MCC: variants seen among roughly 807,000 people sequenced by gnomAD.
MCC encodes the protein colorectal mutant cancer protein.
MCC carries 90 observed loss-of-function variants against 116.2 expected under a neutral mutation model. The observed-to-expected ratio is 0.77, with a 90% CI of 0.65 to 0.92. The LOEUF (loss-of-function observed/expected upper bound fraction) is 0.92, where lower values mean the gene tolerates loss of function less well. Among genes scored for constraint, MCC ranks in the 40% least tolerant of loss-of-function variants. The probability of loss-of-function intolerance (pLI) is 0.00; values close to 1 mark genes in which losing one functional copy is unlikely to be tolerated. For synonymous variants in MCC, 578 were observed against 510.5 expected, an observed-to-expected ratio of 1.13 and a Z score of -1.78; for missense variants, 1,516 against 1,312.2, an observed-to-expected ratio of 1.16 and a Z score of -2.40.
At chr5:113,484,901 T>C (rs1435135725) in intron 1 of MCC, among the ~76,000 whole-genome samples, 3 of 152,208 alleles carry the variant, frequency 2.0e-5, no homozygotes, top group Non-Finnish European at 4.4e-5. Context: ...GGTAAAGTCA[T>C]TGTAAGGTTA....
In MCC at chr5:113,434,922, T is replaced by G; in HGVS notation, c.171-49710A>C. The G allele has an allele frequency of 2.0e-6, 3 of 1,505,030 alleles. No homozygotes were observed. Among genetic ancestry groups the G allele is most frequent in the Non-Finnish European group, 2.7e-6 (3 of 1,121,102 alleles). The allele number at this position is 1,505,030 out of a possible 1,614,324, so 93.2% of individuals were successfully genotyped here. On this transcript the variant is annotated intron_variant, in intron 1 of 18. Coordinates refer to ENST00000408903, the MANE Select transcript of MCC (RefSeq NM_001085377.2). This position sits in a 1 kb window ranked among gnomAD's most constrained non-coding sequence, Gnocchi z 4.2. ...GCCAGCAGTGTGCTCATTTACATCC[T>G]GGATAGAGAGTCCTTTGGGCTGGCC...
At chr5:113,451,197 C>T (rs1432627824) in intron 1 of MCC, among the ~76,000 whole-genome samples, 1 of 152,224 alleles carries the variant, frequency 6.6e-6, no homozygotes, top group Non-Finnish European at 1.5e-5. Flanking sequence ...TTCACTACTT[C>T]TTCACACTCC....
At chr5:113,487,939 T>G (rs2150439044) in intron 1 of MCC, among the ~76,000 whole-genome samples, 1 of 152,240 alleles carries the variant, frequency 6.6e-6, no homozygotes, top group South Asian at 2.1e-4. Context: ...CAGAACTCCT[T>G]TTCCCACAGG....
chr5:113,201,169 T>C (rs543615916), intron 3 of MCC, among the ~76,000 whole-genome samples: 85 of 152,190 alleles, frequency 5.6e-4, no homozygotes, highest in Non-Finnish European at 9.4e-4. Context: ...GAGGATCACC[T>C]GAGGTCGGGA....
intron 3 of MCC, among the ~76,000 whole-genome samples, chr5:113,182,953 T>A (rs1581215830): frequency 6.6e-6 from 1 of 152,134 alleles, no homozygotes. Context: ...CAGTTCCCAT[T>A]TGAGATAATT....
At chr5:113,143,566 G>T (rs1275687624) in intron 4 of MCC, among the ~76,000 whole-genome samples, 2 of 152,168 alleles carry the variant, frequency 1.3e-5, no homozygotes, top group Non-Finnish European at 2.9e-5. Flanking sequence ...TGGAGTCTTT[G>T]CCTTTCTAGC....
intron 3 of MCC, among the ~76,000 whole-genome samples, chr5:113,299,770 G>A (rs1271162383): frequency 6.6e-6 from 1 of 152,242 alleles, no homozygotes; most frequent in Non-Finnish European, 1.5e-5. Flanking sequence ...AGCTCCTATG[G>A]AGAGGTGTGG....
chr5:113,197,130 C>G (rs1762450325), intron 3 of MCC, among the ~76,000 whole-genome samples: 1 of 152,164 alleles, frequency 6.6e-6, no homozygotes, highest in African/African-American at 2.4e-5. Flanking sequence ...CTGTGGTGGG[C>G]TGGGGGGTCC....
intron 3 of MCC, among the ~76,000 whole-genome samples, chr5:113,297,272 C>A (rs148832363): frequency 0.013 from 1,932 of 151,942 alleles, 16 homozygotes; most frequent in Non-Finnish European, 0.019. Flanking sequence ...GAGGCTGAGG[C>A]GGGCAGATCA....
intron 3 of MCC, among the ~76,000 whole-genome samples, chr5:113,176,115 C>T (rs987536407): frequency 4.6e-5 from 7 of 152,052 alleles, no homozygotes; most frequent in Non-Finnish European, 1.0e-4. Context: ...TCTCTACTTC[C>T]CAGCAAGGCA....
chr5:113,372,960 C>T (rs1388424053), intron 2 of MCC, among the ~76,000 whole-genome samples: 4 of 152,150 alleles, frequency 2.6e-5, no homozygotes, highest in South Asian at 2.1e-4. Context: ...GGGCGGTTCA[C>T]GTGGTCAGGA....
At chr5:113,066,234 G>C (rs1370095350) in intron 13 of MCC, among the ~76,000 whole-genome samples, 1 of 152,154 alleles carries the variant, frequency 6.6e-6, no homozygotes, top group East Asian at 1.9e-4. Context: ...AAGGTACCTT[G>C]TGAGGCCTGA....
intron 7 of MCC, among the ~76,000 whole-genome samples, chr5:113,103,918 A>G (rs1756577493): frequency 6.6e-6 from 1 of 152,216 alleles, no homozygotes; most frequent in African/African-American, 2.4e-5. Context: ...GACGTGGTTC[A>G]ATACTAGCAG....
chr5:113,272,643 A>G (rs1170429767), intron 3 of MCC, among the ~76,000 whole-genome samples: 2 of 152,190 alleles, frequency 1.3e-5, no homozygotes, highest in Admixed American at 6.5e-5. Context: ...GCTAACCTAG[A>G]AACAGGAATA....
At chr5:113,241,169 GT>G (rs1764349203) in intron 3 of MCC, among the ~76,000 whole-genome samples, 1 of 152,246 alleles carries the variant, frequency 6.6e-6, no homozygotes. Flanking sequence ...CTAACTTGCA[GT>G]CTTTTCTTAG....
At chr5:113,461,062 C>A (rs558678814) in intron 1 of MCC, among the ~76,000 whole-genome samples, 1 of 152,056 alleles carries the variant, frequency 6.6e-6, no homozygotes, top group African/African-American at 2.4e-5. Context: ...AGTTTGAGAC[C>A]AGCCTGGGCA....
intron 13 of MCC, among the ~76,000 whole-genome samples, chr5:113,067,162 G>A (rs1753670600): frequency 1.3e-5 from 2 of 152,192 alleles, no homozygotes; most frequent in Admixed American, 1.3e-4. Context: ...AGGGACAGAA[G>A]TGAGCAGGCA....
At chr5:113,323,358 A>C (rs1421408174) in intron 3 of MCC, 1 of 152,230 alleles carries the variant, frequency 6.6e-6, no homozygotes, top group Non-Finnish European at 1.5e-5. Flanking sequence ...TACAGAAGAG[A>C]GGTGGGTGAG....
At chr5:113,147,449 C>G (rs559677265) in intron 4 of MCC, among the ~76,000 whole-genome samples, 1 of 152,306 alleles carries the variant, frequency 6.6e-6, no homozygotes, top group South Asian at 2.1e-4. Context: ...GATCTTTAAT[C>G]ATCGCATTAG....
Sources: allele counts gnomAD v4.1 joint callset (sites outside exome capture counted in the v4.1 genomes callset), GRCh38; gene constraint gnomAD v4.1.1; non-coding constraint Gnocchi (gnomAD v3.1); transcripts MANE v1.5; gene names NCBI Gene and HGNC (gene_info 2026-07-23, HGNC 2026-07-21).